Variants in PIWIL1 observed in about 807,000 individuals in gnomAD.
The protein encoded by PIWIL1 is piwi like RNA-mediated gene silencing 1.
PIWIL1 carries 73 observed loss-of-function variants against 114.4 expected under a neutral mutation model. That is an observed-to-expected ratio of 0.64 (90% CI 0.53 to 0.78). PIWIL1 has a LOEUF of 0.78. Ranked by LOEUF, PIWIL1 falls within the 30% of genes least tolerant of loss-of-function variation. The pLI is 0.00. For missense variants in PIWIL1, 723 were observed against 1,063.1 expected (o/e 0.68, Z 4.45); for synonymous variants, 375 against 369.0 (o/e 1.02, Z -0.19).
the PIWIL1 span, among the ~76,000 whole-genome samples, chr12:130,423,656 C>CAAAAAAA: frequency 4.0e-5 from 2 of 50,130 alleles, no homozygotes; most frequent in Non-Finnish European, 7.0e-5. Context: ...AAACAATATG[C>CAAAAAAA]AAAAAAAAAA....
chr12:130,354,396 T>A, intron 9 of PIWIL1, 141 bp from the exon 10 acceptor site: 1 of 1,099,180 alleles, frequency 9.1e-7, no homozygotes, highest in Non-Finnish European at 1.3e-6. Flanking sequence ...AATGCCTTTT[T>A]AAAACTTTAC....
the PIWIL1 span, among the ~76,000 whole-genome samples, chr12:130,415,202 C>T: frequency 1.3e-5 from 2 of 152,164 alleles, no homozygotes; most frequent in African/African-American, 2.4e-5. Context: ...GACAATTCAC[C>T]ATGATCAAGT....
chr12:130,382,492 C>T, the PIWIL1 span, among the ~76,000 whole-genome samples: 6 of 152,240 alleles, frequency 3.9e-5, no homozygotes, highest in Admixed American at 2.6e-4. Flanking sequence ...CCTGTGCCCA[C>T]GGCAGTTTCT....
At chr12:130,348,059 A>T (rs1290140057) in intron 6 of PIWIL1, 44 bp from the exon 7 acceptor site, 1 of 1,263,380 alleles carries the variant, frequency 7.9e-7, no homozygotes, top group Non-Finnish European at 1.2e-6. Context: ...TTGTCGTATT[A>T]GAGATACTTA....
At position 130,363,050 on chromosome 12, in the gene PIWIL1, C is replaced by T. The variant is rs763611366; in HGVS notation, c.2101C>T (p.Arg701Cys). The T allele has an allele frequency of 5.6e-6, 9 of 1,614,092 alleles. No individual in the cohort carries two copies. The highest frequency in any genetic ancestry group is 1.3e-5 in the African/African-American group (1 of 74,922). ...CATGCCCAGCCGGATCATCGTGTACCGCGATGGCGTAGGAGACGGCCAGCT... is the reference window on the plus strand; with the variant it reads ...CATGCCCAGCCGGATCATCGTGTACTGCGATGGCGTAGGAGACGGCCAGCT... The part of the protein sequence containing the change: ...EYMPSRIIVY[R>C]DGVGDGQLKT... Residue 701 changes from arginine (R) to cysteine (C), a missense_variant, in exon 18 of 21, where the codon CGC (arginine) becomes TGC (cysteine). Arg to Cys is a radical substitution (Grantham distance 180). This residue lies in a region of PIWIL1 where 2 missense variants were observed against 18.2 expected (regional missense o/e 0.11). Transcript: ENST00000245255.
intron 8 of PIWIL1, 131 bp downstream of exon 8, chr12:130,349,567 T>C: frequency 1.5e-6 from 1 of 659,142 alleles, no homozygotes; most frequent in Non-Finnish European, 2.6e-6. Context: ...GGTGAGGGTA[T>C]TTTTCAGCTT....
chr12:130,377,367 G>A (rs998816779), downstream of PIWIL1, among the ~76,000 whole-genome samples: 1 of 152,174 alleles, frequency 6.6e-6, no homozygotes, highest in Non-Finnish European at 1.5e-5. Flanking sequence ...TGATCCTTGG[G>A]TGCACATGGC....
the PIWIL1 span, chr12:130,424,852 T>G: frequency 1.6e-6 from 2 of 1,232,354 alleles, no homozygotes; most frequent in African/African-American, 3.1e-5. The surrounding 1 kb of genome is among the most constrained non-coding windows in gnomAD (Gnocchi z 9.8). Context: ...CTATGGTCAG[T>G]GCAGTCCTTA....
chr12:130,381,076 C>T, the PIWIL1 span, among the ~76,000 whole-genome samples: 1 of 152,132 alleles, frequency 6.6e-6, no homozygotes, highest in Non-Finnish European at 1.5e-5. Context: ...AGAGTGGTTC[C>T]CTTGTTACAC....
the PIWIL1 span, chr12:130,399,131 C>A: frequency 7.2e-7 from 1 of 1,397,018 alleles, no homozygotes; most frequent in Non-Finnish European, 9.3e-7. Flanking sequence ...GCTACATTGC[C>A]TGATTAAGGT....
chr12:130,403,724 A>G, the PIWIL1 span, among the ~76,000 whole-genome samples: 1 of 152,206 alleles, frequency 6.6e-6, no homozygotes, highest in African/African-American at 2.4e-5. Context: ...TAATTCTAGC[A>G]TAATCCCGGT....
rs1049347327 is a variant in PIWIL1, at chr12:130,347,079, A to C, written c.653+17A>C. On this transcript the variant is annotated intron_variant, in intron 6 of 20. Coordinates refer to ENST00000245255, the MANE Select transcript of PIWIL1 (RefSeq NM_004764.5). ...TTTCAGGAGGTATGTGTTTTATTTC[A>C]ACATTTTATTAAGAAAACAGCAAAG... is the stretch of plus-strand genomic sequence containing the variant. 8 of 1,566,774 alleles carry C rather than the reference A, an allele frequency of 5.1e-6. No homozygotes were observed. In the African/African-American group the frequency reaches 9.5e-5, roughly 19 times the overall value.
At chr12:130,391,865 C>T in the PIWIL1 span, among the ~76,000 whole-genome samples, 13 of 151,906 alleles carry the variant, frequency 8.6e-5, no homozygotes, top group Non-Finnish European at 1.3e-4. Flanking sequence ...CCTGTGACCA[C>T]GAGAGCCTTT....
chr12:130,399,222 A>G, the PIWIL1 span: 1 of 958,544 alleles, frequency 1.0e-6, no homozygotes, highest in Non-Finnish European at 1.4e-6. Flanking sequence ...AATATAGAAA[A>G]ACTTGCAGTG....
At chr12:130,380,017 C>T in the PIWIL1 span, among the ~76,000 whole-genome samples, 1 of 108,524 alleles carries the variant, frequency 9.2e-6, no homozygotes, top group Non-Finnish European at 1.8e-5. Flanking sequence ...TCCCAGTTCC[C>T]ATCCAAGCAT....
chr12:130,356,466 C>T (rs2073368241), intron 12 of PIWIL1, among the ~76,000 whole-genome samples: 1 of 151,986 alleles, frequency 6.6e-6, no homozygotes. Context: ...GACCAGCACT[C>T]GGGTGCTGTG....
intron 9 of PIWIL1, 115 bp from the exon 10 acceptor site, chr12:130,354,422 A>T: frequency 7.6e-7 from 1 of 1,307,648 alleles, no homozygotes; most frequent in Non-Finnish European, 1.1e-6. Context: ...AGCTATTATC[A>T]GCCTTGCTAT....
At chr12:130,365,856 G>A (rs1593119691) in intron 18 of PIWIL1, among the ~76,000 whole-genome samples, 1 of 152,166 alleles carries the variant, frequency 6.6e-6, no homozygotes, top group South Asian at 2.1e-4. Context: ...TGAAACAGAG[G>A]GCTGCACACA....
intron 18 of PIWIL1, among the ~76,000 whole-genome samples, chr12:130,365,884 G>A (rs1410145001): frequency 6.6e-6 from 1 of 152,202 alleles, no homozygotes; most frequent in Non-Finnish European, 1.5e-5. Flanking sequence ...CACGTTCATT[G>A]TGGCTTTGTT....
Sources: gnomAD v4.1 joint callset for allele counts (sites outside exome capture counted in the v4.1 genomes callset) on GRCh38, gnomAD v4.1.1 for gene constraint, gnomAD v4.1.1 regional missense constraint, Gnocchi (gnomAD v3.1) non-coding constraint, MANE v1.5 for transcripts, NCBI Gene and HGNC (gene_info 2026-07-23, HGNC 2026-07-21) for gene names.